Variants in EP300 observed in about 807,000 individuals in gnomAD.
The protein encoded by EP300 is histone acetyltransferase p300.
EP300 carries 31 observed loss-of-function variants against 264.0 expected under a neutral mutation model. The observed-to-expected ratio is 0.12, with a 90% CI of 0.09 to 0.16. EP300 has a LOEUF of 0.16. Ranked by LOEUF, EP300 falls within the 10% of genes least tolerant of loss-of-function variation. The pLI, the probability that EP300 is intolerant of heterozygous loss-of-function variation, is 1.00. For synonymous variants in EP300, 1,340 were observed against 1,045.4 expected (o/e 1.28, Z -5.44); for missense variants, 2,766 against 3,052.9 (o/e 0.91, Z 2.21).
chr22:41,125,187 C>T (rs2058874353), intron 2 of EP300, among the ~76,000 whole-genome samples: 2 of 142,658 alleles, frequency 1.4e-5, no homozygotes, highest in East Asian at 2.1e-4. Context: ...GGCGTGATCT[C>T]GGCTCACTGC....
rs554177929 is a variant in EP300, at chr22:41,132,856, C to T, written c.1528+1223C>T. Among the ~76,000 whole-genome samples, 7 of 152,110 alleles carry T rather than the reference C, an allele frequency of 4.6e-5. No individual in the cohort carries two copies. In the South Asian group the frequency reaches 6.2e-4, roughly 14 times the overall value. ...TCCTAATTTGGGGATATATATGTTTCTCTGATTGCATATGATAACATTGGA... is the reference window on the plus strand; with the variant it reads ...TCCTAATTTGGGGATATATATGTTTTTCTGATTGCATATGATAACATTGGA... On this transcript the variant is annotated intron_variant, in intron 6 of 30. Coordinates refer to ENST00000263253, the MANE Select transcript of EP300 (RefSeq NM_001429.4).
chr22:41,129,013 A>G (rs560751865), intron 4 of EP300, among the ~76,000 whole-genome samples: 25 of 150,956 alleles, frequency 1.7e-4, no homozygotes, highest in African/African-American at 4.6e-4. Flanking sequence ...AATGATAAAA[A>G]CACAGTTTTT....
intron 1 of EP300, among the ~76,000 whole-genome samples, chr22:41,100,599 T>C (rs2058726362): frequency 6.6e-6 from 1 of 152,214 alleles, no homozygotes; most frequent in African/African-American, 2.4e-5. Context: ...GTACAGACTT[T>C]ATTTTCTTGT....
At chr22:41,117,908 C>A in intron 2 of EP300, 87 bp downstream of exon 2, 1 of 1,590,660 alleles carries the variant, frequency 6.3e-7, no homozygotes, top group Non-Finnish European at 8.6e-7. Flanking sequence ...CATTGTATAG[C>A]AGTTTCCACT....
chr22:41,135,313 T>C (rs1212632101), intron 6 of EP300, among the ~76,000 whole-genome samples: 2 of 152,244 alleles, frequency 1.3e-5, no homozygotes, highest in Non-Finnish European at 2.9e-5. Context: ...TAGTTCCCTT[T>C]TGTTTTTCAA....
chr22:41,095,616 C>T (rs905175474), intron 1 of EP300, among the ~76,000 whole-genome samples: 8 of 151,880 alleles, frequency 5.3e-5, no homozygotes, highest in Admixed American at 3.3e-4. Context: ...GGCACATCAC[C>T]TCTTAAAACT....
chr22:41,120,217 G>T (rs1379411982), intron 2 of EP300, among the ~76,000 whole-genome samples: 2 of 152,140 alleles, frequency 1.3e-5, no homozygotes, highest in African/African-American at 4.8e-5. Context: ...TTTAAGTTAT[G>T]TAGGTTTAGG....
intron 1 of EP300, among the ~76,000 whole-genome samples, chr22:41,104,384 G>A (rs940742011): frequency 2.0e-5 from 3 of 151,630 alleles, no homozygotes; most frequent in African/African-American, 2.4e-5. Context: ...CTGCCTCCCC[G>A]GTTCAAGTGA....
intron 18 of EP300, 72 bp downstream of exon 18, chr22:41,157,480 A>ATTCTCTTATCCC: frequency 1.4e-6 from 2 of 1,477,082 alleles, no homozygotes; most frequent in Non-Finnish European, 1.9e-6. Flanking sequence ...TGACTGGGAT[A>ATTCTCTTATCCC]AGAGAATATC....
intron 25 of EP300, 112 bp downstream of exon 25, chr22:41,168,979 C>G: frequency 6.9e-7 from 1 of 1,454,822 alleles, no homozygotes; most frequent in African/African-American, 1.4e-5. Flanking sequence ...TTTGGAAATG[C>G]AAAATCTCAA....
intron 8 of EP300, 126 bp from the exon 9 acceptor site, chr22:41,140,014 A>G: frequency 1.1e-5 from 8 of 717,584 alleles, no homozygotes; most frequent in Non-Finnish European, 1.7e-5. Flanking sequence ...ATTTCATTTC[A>G]GTAAGTAATA....
intron 13 of EP300, 100 bp from the exon 14 acceptor site, chr22:41,149,661 T>C (rs1376818006): frequency 8.1e-7 from 1 of 1,236,658 alleles, no homozygotes; most frequent in East Asian, 2.4e-5. Context: ...CTACTCTTTG[T>C]TTAATCAGTT....
chr22:41,152,587 C>T (rs1453317891), intron 16 of EP300, among the ~76,000 whole-genome samples: 1 of 151,728 alleles, frequency 6.6e-6, no homozygotes, highest in African/African-American at 2.4e-5. Context: ...TTCAGGGTTC[C>T]CTGTGTTAGT....
In EP300 at chr22:41,172,500, A is replaced by G. The variant is rs1569118473; in HGVS notation, c.4454A>G (p.Asp1485Gly). The G allele has an allele frequency of 6.2e-7, 1 of 1,611,986 alleles. No homozygotes were observed. Among genetic ancestry groups the G allele is most frequent in the Non-Finnish European group, 8.5e-7 (1 of 1,178,234 alleles). The change falls in exon 28 of 31, where the codon GAT (aspartate) becomes GGT (glycine). Residue 1485 changes from aspartate to glycine, a missense_variant and splice_region_variant. Transcript: ENST00000263253. ...VSERIVHDYK[D>G]IFKQATEDRL... Reference sequence around the variant, plus strand: ...ATATGTACATGCATGTTTTCACAGGATATTTTTAAACAAGCTACTGAAGAT... The same window carrying G: ...ATATGTACATGCATGTTTTCACAGGGTATTTTTAAACAAGCTACTGAAGAT...
chr22:41,169,471 T>A, intron 25 of EP300, 32 bp from the exon 26 acceptor site: 1 of 1,458,328 alleles, frequency 6.9e-7, no homozygotes, highest in African/African-American at 1.4e-5. Context: ...CTGACTTTTT[T>A]TTTCCTCTTC....
chr22:41,146,412 C>T, intron 10 of EP300: 1 of 336,536 alleles, frequency 3.0e-6, no homozygotes, highest in Non-Finnish European at 5.7e-6. Context: ...AGTGATCCAC[C>T]CACCTCAGCC....
chr22:41,178,899 C>A lies in EP300; in HGVS notation c.7188C>A (p.Ser2396Arg). The change falls in exon 31 of 31, where the codon AGC becomes AGA. Residue 2396 changes from serine to arginine, a missense_variant. Transcript: ENST00000263253. ...HGASATDLGL[S>R]TDNSDLNSNL... Reference sequence around the variant, plus strand: ...CAAGCGCCACGGACCTGGGACTCAGCACCGATAACTCAGACTTGAATTCAA... The same window carrying A: ...CAAGCGCCACGGACCTGGGACTCAGAACCGATAACTCAGACTTGAATTCAA... 1 of 1,614,240 alleles carries A rather than the reference C, an allele frequency of 6.2e-7. No homozygotes were observed. Among genetic ancestry groups the A allele is most frequent in the Non-Finnish European group, 8.5e-7 (1 of 1,180,042 alleles).
intron 1 of EP300, 66 bp from the exon 2 acceptor site, chr22:41,117,121 A>T: frequency 7.4e-7 from 1 of 1,349,908 alleles, no homozygotes; most frequent in Non-Finnish European, 1.1e-6. Context: ...ATTGAGAACA[A>T]TATAGAGCAG....
intron 9 of EP300, among the ~76,000 whole-genome samples, chr22:41,140,511 A>G (rs550045927): frequency 6.6e-6 from 1 of 152,214 alleles, no homozygotes; most frequent in Non-Finnish European, 1.5e-5. Flanking sequence ...TCAACCTAAA[A>G]AGTGGCTGAG....
Sources: allele counts gnomAD v4.1 joint callset (sites outside exome capture counted in the v4.1 genomes callset), GRCh38; gene constraint gnomAD v4.1.1; transcripts MANE v1.5; gene names NCBI Gene and HGNC (gene_info 2026-07-23, HGNC 2026-07-21).